The following SYBU variants were observed in gnomAD, a reference collection of about 807,000 sequenced individuals.
The protein encoded by SYBU is syntabulin, also known as GOLSYN A protein.
Under a neutral mutation model 35.9 loss-of-function variants are expected in SYBU, and 21 were observed. The observed-to-expected ratio is 0.58, with a 90% confidence interval of 0.41 to 0.84. SYBU has a LOEUF of 0.84. SYBU is among the 40% of genes least tolerant of loss of function. SYBU has a pLI of 0.00. For missense variants in SYBU, 768 were observed against 848.2 expected (o/e 0.91, Z 1.17); for synonymous variants, 319 against 324.3 (o/e 0.98, Z 0.18).
chr8:109,586,059 C>T lies in SYBU; in HGVS notation c.530+1G>A. 6.2e-7 allele frequency: 1 copy of T among 1,605,948 alleles called. No homozygotes were observed. Among genetic ancestry groups the T allele is most frequent in the Non-Finnish European group, 8.5e-7 (1 of 1,176,170 alleles). On this transcript the variant is annotated splice_donor_variant, in intron 4 of 6. Transcript: ENST00000276646. LOFTEE classifies it high-confidence loss of function. The stretch of plus-strand genomic sequence containing the variant: ...ATTACAGAGCAGGAGATGGTGCCTA[C>T]TTGCGTGAAGAAGAAGACCGCTTGC...
chr8:109,613,188 T>C (rs772576565), intron 3 of SYBU, among the ~76,000 whole-genome samples: 17 of 152,196 alleles, frequency 1.1e-4, no homozygotes, highest in Non-Finnish European at 2.2e-4. Context: ...TGGGATAACA[T>C]AACCTGCTAG....
At chr8:109,636,285 T>C in intron 2 of SYBU, among the ~76,000 whole-genome samples, 1 of 152,174 alleles carries the variant, frequency 6.6e-6, no homozygotes, top group East Asian at 1.9e-4. Context: ...AAATAAGACA[T>C]GGAACAACAA....
At chr8:109,680,372 C>T (rs576671423) in intron 1 of SYBU, among the ~76,000 whole-genome samples, 1 of 83,174 alleles carries the variant, frequency 1.2e-5, no homozygotes, top group Non-Finnish European at 2.3e-5. Flanking sequence ...GAGTGAAGAA[C>T]CGAAAGAAAT....
upstream of SYBU, among the ~76,000 whole-genome samples, chr8:109,682,060 T>C (rs982675000): frequency 6.6e-6 from 1 of 152,212 alleles, no homozygotes; most frequent in East Asian, 1.9e-4. Flanking sequence ...CAATTAAACC[T>C]CTTTCCTTTA....
At chr8:109,607,883 T>C in intron 3 of SYBU, 1 of 1,177,822 alleles carries the variant, frequency 8.5e-7, no homozygotes, top group South Asian at 1.3e-5. Context: ...AATATAATTA[T>C]TTACTTACTG....
At chr8:109,653,853 A>G (rs1412702392) in intron 1 of SYBU, among the ~76,000 whole-genome samples, 2 of 152,094 alleles carry the variant, frequency 1.3e-5, no homozygotes, top group East Asian at 3.9e-4. Context: ...GTTCTTTAGG[A>G]TGGAAGTTGT....
intron 6 of SYBU, 83 bp downstream of exon 6, chr8:109,577,785 T>C: frequency 7.2e-7 from 1 of 1,387,126 alleles, no homozygotes; most frequent in Non-Finnish European, 9.7e-7. Flanking sequence ...TTCTTTTCTA[T>C]CTTTCTATAG....
intron 2 of SYBU, among the ~76,000 whole-genome samples, chr8:109,630,504 A>C (rs1378686338): frequency 6.6e-6 from 1 of 152,176 alleles, no homozygotes; most frequent in Non-Finnish European, 1.5e-5. Flanking sequence ...GAGAGGTAAC[A>C]GTGGTTTGAC....
At chr8:109,626,504 A>T (rs575980972) in intron 2 of SYBU, among the ~76,000 whole-genome samples, 2 of 152,338 alleles carry the variant, frequency 1.3e-5, no homozygotes, top group East Asian at 3.9e-4. Context: ...GAAAGCAATA[A>T]ATACTTTTTG....
chr8:109,610,745 G>A (rs1310681193), intron 3 of SYBU, among the ~76,000 whole-genome samples: 1 of 152,186 alleles, frequency 6.6e-6, no homozygotes, highest in Admixed American at 6.5e-5. Context: ...CAGACAGTGA[G>A]GTCCAGGTAT....
intron 3 of SYBU, chr8:109,586,370 G>T (rs1823623467): frequency 3.6e-6 from 2 of 556,794 alleles, no homozygotes; most frequent in Non-Finnish European, 6.4e-6. Context: ...ACACAGCTAA[G>T]ATGCACAGTA....
chr8:109,681,839 T>C (rs1464868122), upstream of SYBU, among the ~76,000 whole-genome samples: 2 of 152,184 alleles, frequency 1.3e-5, no homozygotes, highest in South Asian at 4.1e-4. Flanking sequence ...AGGGGCCTGG[T>C]GGGAGGTAAT....
rs1822047895 is a variant in SYBU, at chr8:109,575,004, C to G, written c.1894G>C (p.Gly632Arg). The part of the protein sequence containing the change: ...VLWAFSTQRG[G>R]TDPVYNIGAL... ...CCGATGTTATACACAGGATCCGTTC[C>G]CCCTCTCTGAGTACTGAATGCCCAC... The change falls in exon 7 of 7, where the codon GGA (glycine) becomes CGA (arginine). Residue 632 changes from glycine to arginine, a missense_variant. Physicochemically the swap from Gly to Arg is moderately radical, Grantham distance 125 (BLOSUM62 -2). Coordinates refer to ENST00000276646, the MANE Select transcript of SYBU (RefSeq NM_001099754.2). 1 of 1,587,498 alleles carries G rather than the reference C, an allele frequency of 6.3e-7. No individual in the cohort carries two copies. The highest frequency in any genetic ancestry group is 8.6e-7 in the Non-Finnish European group (1 of 1,165,354).
Position 109,691,292 on chromosome 8 carries a change from G to A in SYBU, c.-58+41C>T, listed in dbSNP as rs1480271896. 4.3e-6 allele frequency: 3 copies of A among 698,170 alleles called. No individual in the cohort carries two copies. The highest frequency in any genetic ancestry group is 1.8e-5 in the African/African-American group (1 of 56,674). The allele number at this position is 698,170 out of a possible 1,614,324, so 43.2% of individuals were successfully genotyped here. A position where few individuals can be genotyped will look rare whatever the true frequency, so the allele number is the denominator to read the frequency against. On this transcript the variant is annotated intron_variant, in intron 1 of 7. Coordinates refer to the SYBU transcript ENST00000422135. The surrounding 1 kb of genome is among the most constrained non-coding windows in gnomAD (Gnocchi z 4.7). Reference sequence around the variant, plus strand: ...CCATCAGTTGCCCTCCCGTGTCCGCGGGCACTGACAGCAGAGACCGCATAG... The same window carrying A: ...CCATCAGTTGCCCTCCCGTGTCCGCAGGCACTGACAGCAGAGACCGCATAG...
At chr8:109,597,764 G>C (rs1356074622) in intron 3 of SYBU, among the ~76,000 whole-genome samples, 1 of 152,194 alleles carries the variant, frequency 6.6e-6, no homozygotes, top group African/African-American at 2.4e-5. Context: ...ATGCTTTTTA[G>C]ATGTTACAGG....
intron 1 of SYBU, among the ~76,000 whole-genome samples, chr8:109,670,668 T>A (rs1207422172): frequency 6.6e-6 from 1 of 152,144 alleles, no homozygotes; most frequent in Non-Finnish European, 1.5e-5. Context: ...CTTTCATTAT[T>A]GTTTAAACAT....
intron 3 of SYBU, among the ~76,000 whole-genome samples, chr8:109,594,072 A>G (rs1024558164): frequency 2.0e-5 from 3 of 152,188 alleles, no homozygotes; most frequent in Non-Finnish European, 2.9e-5. Flanking sequence ...ATTTAAGGAG[A>G]AGCATTTATC....
chr8:109,590,720 A>C (rs1824128843), intron 3 of SYBU, among the ~76,000 whole-genome samples: 1 of 151,832 alleles, frequency 6.6e-6, no homozygotes, highest in South Asian at 2.1e-4. Context: ...TTTCTAACAC[A>C]TGATAAAAGG....
At chr8:109,628,313 A>G (rs1389839913) in intron 2 of SYBU, among the ~76,000 whole-genome samples, 1 of 151,406 alleles carries the variant, frequency 6.6e-6, no homozygotes, top group African/African-American at 2.4e-5. Context: ...GTTTGAGACC[A>G]GCCTGGGAAA....
Sources: allele counts gnomAD v4.1 joint callset (sites outside exome capture counted in the v4.1 genomes callset), GRCh38; gene constraint gnomAD v4.1.1; non-coding constraint Gnocchi (gnomAD v3.1); transcripts MANE v1.5; gene names NCBI Gene and HGNC (gene_info 2026-07-23, HGNC 2026-07-21).